The following ZNF573 variants were observed in gnomAD, a reference collection of about 807,000 sequenced individuals.
The protein encoded by ZNF573 is zinc finger protein 573.
A neutral mutation model predicts 57.4 loss-of-function variants in ZNF573; 41 were observed. The ratio of observed to expected loss-of-function variants is 0.71; its 90% CI spans 0.56 to 0.93. The LOEUF (loss-of-function observed/expected upper bound fraction) is 0.93, where lower values mean the gene tolerates loss of function less well. Ranked by LOEUF, ZNF573 falls within the 40% of genes least tolerant of loss-of-function variation. ZNF573 has a pLI of 0.00. For synonymous variants in ZNF573, 249 were observed against 261.0 expected (o/e 0.95, Z 0.44); for missense variants, 730 against 794.8 (o/e 0.92, Z 0.98).
intron 4 of ZNF573, among the ~76,000 whole-genome samples, chr19:37,768,242 C>T (rs1461258968): frequency 6.6e-6 from 1 of 152,144 alleles, no homozygotes; most frequent in Non-Finnish European, 1.5e-5. Context: ...ACAATTACAT[C>T]ATTGGTTCTA....
chr19:37,740,350 A>G, intron 4 of ZNF573, 156 bp from the exon 5 acceptor site: 1 of 660,982 alleles, frequency 1.5e-6, no homozygotes, highest in Non-Finnish European at 2.5e-6. Flanking sequence ...AAAAGAGTTC[A>G]GAGACGTATG....
intron 4 of ZNF573, among the ~76,000 whole-genome samples, chr19:37,743,830 C>T (rs1246632613): frequency 6.6e-6 from 1 of 152,186 alleles, no homozygotes; most frequent in Non-Finnish European, 1.5e-5. Context: ...GAGATCTTGT[C>T]CTTTGCAGGG....
intron 3 of ZNF573, among the ~76,000 whole-genome samples, chr19:37,770,832 T>TTATATA (rs58757674): frequency 0.027 from 2,475 of 93,220 alleles, 94 homozygotes; most frequent in African/African-American, 0.035. Context: ...TTAAGTTATT[T>TTATATA]TATATATATA....
chr19:37,759,132 C>T, intron 4 of ZNF573: 1 of 552,734 alleles, frequency 1.8e-6, no homozygotes, highest in South Asian at 7.8e-5. Context: ...CCAGTGAGAC[C>T]CCCATCTCTA....
At chr19:37,774,106 A>AAG in intron 1 of ZNF573, among the ~76,000 whole-genome samples, 1 of 139,926 alleles carries the variant, frequency 7.1e-6, no homozygotes, top group Non-Finnish European at 1.5e-5. Context: ...GAGAGGACTT[A>AAG]TCGTTCAAAC....
At chr19:37,740,461 C>A in intron 4 of ZNF573, 1 of 461,660 alleles carries the variant, frequency 2.2e-6, no homozygotes, top group Non-Finnish European at 4.0e-6. Context: ...GCTATATTGG[C>A]ACCGTCAAAG....
At chr19:37,758,265 A>ATATATAT (rs2045515492) in intron 4 of ZNF573, among the ~76,000 whole-genome samples, 2 of 96,028 alleles carry the variant, frequency 2.1e-5, no homozygotes, top group African/African-American at 4.1e-5. Context: ...ATATATATAT[A>ATATATAT]AAATTACCCA....
intron 4 of ZNF573, among the ~76,000 whole-genome samples, chr19:37,741,125 G>A (rs565050383): frequency 6.6e-5 from 10 of 152,246 alleles, no homozygotes; most frequent in Admixed American, 2.6e-4. Context: ...AGAGTCCTTG[G>A]ACTTAGACAT....
chr19:37,752,643 T>C (rs997182581), intron 4 of ZNF573, among the ~76,000 whole-genome samples: 2 of 131,256 alleles, frequency 1.5e-5, no homozygotes, highest in Admixed American at 7.8e-5. Context: ...TTCTTTTCTC[T>C]TTTTTTCAGA....
chr19:37,772,628 A>AT (rs2045669549), intron 2 of ZNF573, among the ~76,000 whole-genome samples: 2 of 148,792 alleles, frequency 1.3e-5, no homozygotes, highest in Non-Finnish European at 3.0e-5. Flanking sequence ...CCTCGTGTAC[A>AT]TTTTTTAAAT....
chr19:37,776,065 C>T (rs181311672), intron 1 of ZNF573, among the ~76,000 whole-genome samples: 4 of 152,136 alleles, frequency 2.6e-5, no homozygotes, highest in Admixed American at 6.6e-5. Flanking sequence ...CTGCCAAAAG[C>T]GATCTATAAA....
chr19:37,778,508 G>A (rs924092700), intron 1 of ZNF573: 3 of 151,734 alleles, frequency 2.0e-5, no homozygotes, highest in Non-Finnish European at 2.9e-5. Flanking sequence ...GGCCAAATAT[G>A]AGAACGTTAA....
chr19:37,776,932 G>A (rs1305396761), intron 1 of ZNF573, among the ~76,000 whole-genome samples: 1 of 152,160 alleles, frequency 6.6e-6, no homozygotes, highest in African/African-American at 2.4e-5. Context: ...AAATCACAAT[G>A]TGATACCAAT....
chr19:37,740,535 TTTAGA>T, intron 4 of ZNF573: 1 of 459,980 alleles, frequency 2.2e-6, no homozygotes, highest in East Asian at 6.6e-5. Context: ...CTATCACTGA[TTTAGA>T]TGCAGGTCAG....
At chr19:37,764,387 C>T (rs530302733) in intron 4 of ZNF573, among the ~76,000 whole-genome samples, 1 of 148,068 alleles carries the variant, frequency 6.8e-6, no homozygotes, top group African/African-American at 2.5e-5. Context: ...GTGGCCCGAT[C>T]TCGGCTCACT....
At chr19:37,756,356 T>C (rs7254828) in intron 4 of ZNF573, among the ~76,000 whole-genome samples, 24,802 of 152,134 alleles carry the variant, frequency 0.16, 2,230 homozygotes, top group Non-Finnish European at 0.21. Flanking sequence ...GAATTGTACA[T>C]ACGGTTTCAG....
Position 37,738,564 on chromosome 19 carries a change from C to T in ZNF573, c.1926G>A (p.Gln642=). 1.9e-6 allele frequency: 3 copies of T among 1,591,570 alleles called. No homozygotes were observed. Among genetic ancestry groups the T allele is most frequent in the Non-Finnish European group, 2.6e-6 (3 of 1,171,492 alleles). The change falls in exon 5 of 5, where the codon CAG becomes CAA. Residue 642 remains glutamine, a synonymous_variant. Transcript: ENST00000536220. ...AACCATATCTGAAGGTTTTCCCACA[C>T]TGCTTACACACATAGGGTTTCTCAC... ...HTGEKPYVCK[Q]CGKTFRYGSA...
chr19:37,765,011 T>C (rs964860218), intron 4 of ZNF573, among the ~76,000 whole-genome samples: 2 of 151,578 alleles, frequency 1.3e-5, no homozygotes, highest in African/African-American at 4.9e-5. Context: ...ATTCAAGTGA[T>C]TCTCCTGCAT....
intron 4 of ZNF573, among the ~76,000 whole-genome samples, chr19:37,748,422 CTTTG>C (rs979574401): frequency 3.8e-4 from 58 of 152,270 alleles, no homozygotes; most frequent in African/African-American, 1.3e-3. Flanking sequence ...TACCAGTGGT[CTTTG>C]TTTGGTTGGT....
Sources: allele counts gnomAD v4.1 joint callset (sites outside exome capture counted in the v4.1 genomes callset), GRCh38; gene constraint gnomAD v4.1.1; transcripts MANE v1.5; gene names NCBI Gene and HGNC (gene_info 2026-07-23, HGNC 2026-07-21).